Variants in ZHX2 observed in about 807,000 individuals in gnomAD.
ZHX2 encodes zinc fingers and homeoboxes protein 2.
ZHX2 carries 6 observed loss-of-function variants against 21.9 expected under a neutral mutation model. That is an observed-to-expected ratio of 0.27 (90% CI 0.15 to 0.54). The LOEUF (loss-of-function observed/expected upper bound fraction) is 0.54. Ranked by LOEUF, ZHX2 falls within the 20% of genes least tolerant of loss-of-function variation. The pLI is 0.95. For synonymous variants in ZHX2, 434 were observed against 437.1 expected (o/e 0.99, Z 0.09); for missense variants, 908 against 1,090.7 (o/e 0.83, Z 2.36).
At chr8:122,887,539 G>A (rs989305502) in intron 2 of ZHX2, among the ~76,000 whole-genome samples, 1 of 151,846 alleles carries the variant, frequency 6.6e-6, no homozygotes, top group Admixed American at 6.6e-5. Context: ...CATCAAAAAT[G>A]AAAAAATATA....
intron 2 of ZHX2, among the ~76,000 whole-genome samples, chr8:122,909,157 G>A (rs781360670): frequency 1.3e-4 from 20 of 152,262 alleles, no homozygotes; most frequent in Admixed American, 2.0e-4. Context: ...TGGGCCAGGC[G>A]CGTTGGCTCA....
At chr8:122,811,612 C>T (rs988928151) in intron 1 of ZHX2, among the ~76,000 whole-genome samples, 2 of 152,184 alleles carry the variant, frequency 1.3e-5, no homozygotes, top group African/African-American at 4.8e-5. Flanking sequence ...AGAGAAATCC[C>T]ATCTGTGATG....
intron 2 of ZHX2, among the ~76,000 whole-genome samples, chr8:122,930,722 T>A (rs1480810399): frequency 6.6e-6 from 1 of 151,720 alleles, no homozygotes; most frequent in African/African-American, 2.4e-5. Context: ...ACTCCTGACC[T>A]CAGGTGATCT....
intron 2 of ZHX2, among the ~76,000 whole-genome samples, chr8:122,888,233 CG>C (rs1459228270): frequency 2.6e-5 from 4 of 151,438 alleles, no homozygotes; most frequent in Non-Finnish European, 5.9e-5. Context: ...AACACAGAAA[CG>C]GCCCTTGATT....
chr8:122,826,474 A>G (rs1818268394), intron 1 of ZHX2, among the ~76,000 whole-genome samples: 1 of 152,212 alleles, frequency 6.6e-6, no homozygotes, highest in Non-Finnish European at 1.5e-5. Flanking sequence ...CAGAGCTTGC[A>G]GTTCATTTTC....
chr8:122,964,119 C>T (rs1162311551), intron 3 of ZHX2, among the ~76,000 whole-genome samples: 1 of 151,634 alleles, frequency 6.6e-6, no homozygotes, highest in African/African-American at 2.4e-5. Context: ...ACTTCCTTAA[C>T]TTGTATGCCC....
At chr8:122,918,135 A>G (rs1820648631) in intron 2 of ZHX2, among the ~76,000 whole-genome samples, 1 of 152,156 alleles carries the variant, frequency 6.6e-6, no homozygotes, top group Admixed American at 6.5e-5. Context: ...TATTAAACTT[A>G]TTTAATCCTC....
At chr8:122,842,731 G>A (rs1479872616) in intron 1 of ZHX2, among the ~76,000 whole-genome samples, 5 of 151,942 alleles carry the variant, frequency 3.3e-5, no homozygotes, top group African/African-American at 7.2e-5. Flanking sequence ...GCTGTCTCCC[G>A]GGGTTCACCC....
chr8:122,868,324 C>T (rs1223914715), intron 2 of ZHX2, among the ~76,000 whole-genome samples: 1 of 151,970 alleles, frequency 6.6e-6, no homozygotes, highest in African/African-American at 2.4e-5. Flanking sequence ...TGAGAATCTT[C>T]AGGAGAAAGA....
chr8:122,855,402 C>T (rs1819002324), intron 1 of ZHX2, among the ~76,000 whole-genome samples: 1 of 152,184 alleles, frequency 6.6e-6, no homozygotes, highest in Non-Finnish European at 1.5e-5. Flanking sequence ...CTTGCATTTT[C>T]TGCAACTGCC....
At chr8:122,925,511 C>A (rs1202316752) in intron 2 of ZHX2, among the ~76,000 whole-genome samples, 1 of 152,154 alleles carries the variant, frequency 6.6e-6, no homozygotes, top group Admixed American at 6.5e-5. Flanking sequence ...AAGTTCAAAC[C>A]GTGTTCTCTT....
At chr8:122,783,566 G>A (rs1817335677) in intron 1 of ZHX2, among the ~76,000 whole-genome samples, 1 of 152,122 alleles carries the variant, frequency 6.6e-6, no homozygotes, top group Non-Finnish European at 1.5e-5. Flanking sequence ...AGGGGGTGAG[G>A]TTCTGAGAGC....
At chr8:122,845,568 A>C (rs550373394) in intron 1 of ZHX2, among the ~76,000 whole-genome samples, 1 of 152,384 alleles carries the variant, frequency 6.6e-6, no homozygotes, top group African/African-American at 2.4e-5. Context: ...AGCATATAAA[A>C]TTACAAACAA....
chr8:122,889,832 G>A (rs940523177), intron 2 of ZHX2, among the ~76,000 whole-genome samples: 1 of 152,172 alleles, frequency 6.6e-6, no homozygotes, highest in African/African-American at 2.4e-5. Context: ...TGGTATAGAT[G>A]ATGGAGGTTG....
At chr8:122,909,612 C>A (rs1051317601) in intron 2 of ZHX2, among the ~76,000 whole-genome samples, 5 of 152,108 alleles carry the variant, frequency 3.3e-5, no homozygotes, top group African/African-American at 4.8e-5. Flanking sequence ...CTCTCCCCCC[C>A]ACAACCTGTT....
intron 3 of ZHX2, among the ~76,000 whole-genome samples, chr8:122,971,996 C>T (rs887308086): frequency 2.0e-5 from 3 of 152,172 alleles, no homozygotes; most frequent in Non-Finnish European, 4.4e-5. Context: ...GTTCTGTGCC[C>T]ATCTCCCAGC....
At chr8:122,879,159 A>C (rs1819639957) in intron 2 of ZHX2, among the ~76,000 whole-genome samples, 1 of 152,206 alleles carries the variant, frequency 6.6e-6, no homozygotes, top group Non-Finnish European at 1.5e-5. Context: ...GTCTGCCTAG[A>C]AATGGAGGTC....
Position 122,951,972 on chromosome 8 carries a change from G to A in ZHX2, c.462G>A (p.Gln154=), listed in dbSNP as rs139634856. The part of the protein sequence containing the change: ...IKRNNQTVLE[Q]SIETTNHVVS... Reference sequence around the variant, plus strand: ...GCAATAATCAAACTGTCTTGGAACAGTCCATCGAAACCACCAACCATGTCG... The same window carrying A: ...GCAATAATCAAACTGTCTTGGAACAATCCATCGAAACCACCAACCATGTCG... The change falls in exon 3 of 4, where the codon CAG becomes CAA. Residue 154 remains glutamine, a synonymous_variant. Transcript: ENST00000314393. 55 of 1,613,700 alleles carry A rather than the reference G, an allele frequency of 3.4e-5. No homozygotes were observed. The highest frequency in any genetic ancestry group is 1.1e-4 in the African/African-American group (8 of 74,804).
At chr8:122,909,317 C>T (rs1258706553) in intron 2 of ZHX2, among the ~76,000 whole-genome samples, 2 of 151,896 alleles carry the variant, frequency 1.3e-5, no homozygotes, top group African/African-American at 2.4e-5. Context: ...CCTGTAGTCC[C>T]AGCTACTAAG....
Sources: allele counts gnomAD v4.1 joint callset (sites outside exome capture counted in the v4.1 genomes callset), GRCh38; gene constraint gnomAD v4.1.1; transcripts MANE v1.5; gene names NCBI Gene and HGNC (gene_info 2026-07-23, HGNC 2026-07-21).